ULK4: variants seen among roughly 807,000 people sequenced by gnomAD.
ULK4 encodes inactive serine/threonine-protein kinase ULK4.
In ULK4, 133 loss-of-function variants were observed where a neutral mutation model predicts 160.6. The observed-to-expected ratio is 0.83, with a 90% CI of 0.72 to 0.96. The LOEUF (loss-of-function observed/expected upper bound fraction) is 0.96, where lower values mean the gene tolerates loss of function less well. Ranked by LOEUF, ULK4 falls within the 40% of genes least tolerant of loss-of-function variation. The pLI is 0.00. For missense variants in ULK4, 1,580 were observed against 1,499.5 expected (o/e 1.05, Z -0.89); for synonymous variants, 534 against 539.8 (o/e 0.99, Z 0.15).
intron 22 of ULK4, among the ~76,000 whole-genome samples, chr3:41,730,766 T>C (rs766332108): frequency 6.6e-6 from 1 of 152,184 alleles, no homozygotes; most frequent in Non-Finnish European, 1.5e-5. Flanking sequence ...CATTCTACGG[T>C]ATCACTTTAA....
intron 30 of ULK4, among the ~76,000 whole-genome samples, chr3:41,618,713 C>T (rs911739469): frequency 2.6e-5 from 4 of 152,078 alleles, no homozygotes; most frequent in Admixed American, 2.6e-4. Flanking sequence ...GAAATTGCAT[C>T]AACTAATATG....
intron 30 of ULK4, among the ~76,000 whole-genome samples, chr3:41,642,185 GT>G (rs1259718143): frequency 6.6e-6 from 1 of 151,788 alleles, no homozygotes; most frequent in Non-Finnish European, 1.5e-5. Flanking sequence ...ATACGTAACA[GT>G]TTTTACTCTT....
chr3:41,905,357 G>T (rs1698515119), intron 12 of ULK4, among the ~76,000 whole-genome samples: 1 of 152,112 alleles, frequency 6.6e-6, no homozygotes, highest in African/African-American at 2.4e-5. Flanking sequence ...CTAAATCTAA[G>T]AGATACTAAT....
intron 32 of ULK4, among the ~76,000 whole-genome samples, chr3:41,478,924 C>T (rs141572211): frequency 2.0e-5 from 3 of 152,274 alleles, no homozygotes; most frequent in Non-Finnish European, 4.4e-5. Flanking sequence ...CAATTACGTC[C>T]AGGTAATAAG....
chr3:41,955,378 G>A (rs1240430090), intron 1 of ULK4: 2 of 152,430 alleles, frequency 1.3e-5, no homozygotes, highest in Non-Finnish European at 2.9e-5. Flanking sequence ...CCTCTAGGGT[G>A]GGTAGATATC....
intron 21 of ULK4, among the ~76,000 whole-genome samples, chr3:41,775,999 T>G (rs2039604154): frequency 6.6e-6 from 1 of 151,022 alleles, no homozygotes; most frequent in Admixed American, 6.6e-5. Flanking sequence ...CAAATTTCTT[T>G]GTACACATGT....
intron 21 of ULK4, among the ~76,000 whole-genome samples, chr3:41,777,784 G>C (rs1216706735): frequency 1.4e-5 from 2 of 138,788 alleles, no homozygotes; most frequent in East Asian, 3.9e-4. Flanking sequence ...TGTGGTCTGA[G>C]AGATAGTTTG....
chr3:41,791,051 C>T (rs1200087598), intron 20 of ULK4, among the ~76,000 whole-genome samples: 1 of 152,064 alleles, frequency 6.6e-6, no homozygotes, highest in Non-Finnish European at 1.5e-5. Flanking sequence ...AGAGGAGGGA[C>T]AGGAGAGAGG....
chr3:41,267,478 G>T (rs1409585241), intron 35 of ULK4, among the ~76,000 whole-genome samples: 1 of 152,128 alleles, frequency 6.6e-6, no homozygotes, highest in Non-Finnish European at 1.5e-5. Context: ...AAACATACGT[G>T]TGCATGTGTC....
At chr3:41,412,040 T>C (rs183289902) in intron 34 of ULK4, among the ~76,000 whole-genome samples, 3 of 152,248 alleles carry the variant, frequency 2.0e-5, no homozygotes, top group East Asian at 1.9e-4. Context: ...ATCCTGTATG[T>C]AGAAAATCAG....
intron 27 of ULK4, among the ~76,000 whole-genome samples, chr3:41,700,394 T>C (rs1187679049): frequency 6.6e-6 from 1 of 152,090 alleles, no homozygotes; most frequent in Non-Finnish European, 1.5e-5. Context: ...AGAGAGGAGA[T>C]TATACTCTCT....
intron 32 of ULK4, among the ~76,000 whole-genome samples, chr3:41,503,931 C>T (rs1180972427): frequency 6.6e-6 from 1 of 152,102 alleles, no homozygotes; most frequent in Non-Finnish European, 1.5e-5. Context: ...TCATTTCAAT[C>T]AATGCTTTGA....
intron 22 of ULK4, among the ~76,000 whole-genome samples, chr3:41,725,247 A>T (rs1444696457): frequency 6.6e-6 from 1 of 152,232 alleles, no homozygotes; most frequent in Non-Finnish European, 1.5e-5. Context: ...TTACAAATTT[A>T]AACAGAAAAT....
intron 32 of ULK4, among the ~76,000 whole-genome samples, chr3:41,552,244 T>C (rs1575401937): frequency 1.3e-5 from 2 of 151,912 alleles, no homozygotes; most frequent in East Asian, 3.9e-4. Context: ...CAACATAAAA[T>C]TGGAAATCCT....
intron 35 of ULK4, among the ~76,000 whole-genome samples, chr3:41,379,829 T>A (rs953459834): frequency 6.6e-6 from 1 of 152,206 alleles, no homozygotes; most frequent in African/African-American, 2.4e-5. Context: ...AAACTATGCA[T>A]GCATGTGGGA....
At chr3:41,556,581 G>T (rs2087310615) in intron 32 of ULK4, among the ~76,000 whole-genome samples, 2 of 144,928 alleles carry the variant, frequency 1.4e-5, no homozygotes, top group Admixed American at 1.5e-4. Flanking sequence ...TCCACCTCCT[G>T]GGTTCAAGCG....
intron 30 of ULK4, among the ~76,000 whole-genome samples, chr3:41,626,143 T>C (rs910150012): frequency 6.6e-6 from 1 of 152,212 alleles, no homozygotes; most frequent in African/African-American, 2.4e-5. Flanking sequence ...CTGTGGTTTA[T>C]ATTATTAACA....
intron 34 of ULK4, among the ~76,000 whole-genome samples, chr3:41,437,314 CA>C (rs1338508083): frequency 2.0e-5 from 3 of 152,154 alleles, no homozygotes; most frequent in Non-Finnish European, 4.4e-5. Flanking sequence ...GTTTATCTAT[CA>C]GACTTGACTC....
rs764116930 is a variant in ULK4 at position 41,754,453 on chromosome 3, G to A, written c.2229C>T (p.Ser743=). ...CTTTTGCTCTAATGCATGTTGAGGG[G>A]CTGTCAAGTAAACGGATAATTGTGG... ...FVSTIIRLLD[S]PSTCIRAKAF... is the part of the protein sequence containing the mutation. The change falls in exon 22 of 37, where the codon AGC becomes AGT. Residue 743 remains serine, a synonymous_variant. Transcript: ENST00000301831. The A allele has an allele frequency of 2.5e-6, 4 of 1,613,454 alleles. No homozygotes were observed. Among genetic ancestry groups the A allele is most frequent in the Non-Finnish European group, 3.4e-6 (4 of 1,179,742 alleles).
Sources: gnomAD v4.1 joint callset for allele counts (sites outside exome capture counted in the v4.1 genomes callset) on GRCh38, gnomAD v4.1.1 for gene constraint, MANE v1.5 for transcripts, NCBI Gene and HGNC (gene_info 2026-07-23, HGNC 2026-07-21) for gene names.